TRARG1: variants seen among roughly 807,000 people sequenced by gnomAD.
TRARG1 encodes the protein trafficking regulator of GLUT4 1.
Under a neutral mutation model 13.3 loss-of-function variants are expected in TRARG1, and 16 were observed. The observed-to-expected ratio is 1.20, with a 90% confidence interval of 0.81 to 1.83. The LOEUF is 1.83. Ranked by LOEUF, TRARG1 falls within the 40% of genes most tolerant of loss-of-function variation. The pLI is 0.00. For missense variants in TRARG1, 250 were observed against 237.4 expected, an observed-to-expected ratio of 1.05 and a Z score of -0.35; for synonymous variants, 113 against 106.2, an observed-to-expected ratio of 1.06 and a Z score of -0.39.
At chr17:1,281,940 A>G (rs1359214571) in intron 1 of TRARG1, among the ~76,000 whole-genome samples, 4 of 151,954 alleles carry the variant, frequency 2.6e-5, no homozygotes, top group Admixed American at 2.6e-4. Flanking sequence ...ACATACATGT[A>G]CATATATGCA....
chr17:1,291,473 T>A (rs2072068953), intron 1 of TRARG1, among the ~76,000 whole-genome samples: 1 of 152,226 alleles, frequency 6.6e-6, no homozygotes, highest in African/African-American at 2.4e-5. Context: ...TGCCGCCATG[T>A]GGTGAAGGAC....
At chr17:1,293,305 AT>A (rs2072086210) in intron 1 of TRARG1, among the ~76,000 whole-genome samples, 1 of 147,602 alleles carries the variant, frequency 6.8e-6, no homozygotes, top group African/African-American at 2.6e-5. Flanking sequence ...AAAAAAAAAG[AT>A]AGTGGTGATG....
intron 1 of TRARG1, among the ~76,000 whole-genome samples, chr17:1,282,010 ATG>A (rs2071977524): frequency 6.7e-6 from 1 of 149,160 alleles, no homozygotes; most frequent in Admixed American, 6.7e-5. Context: ...ATATACACAT[ATG>A]TACATATACA....
chr17:1,284,073 C>CAG (rs2072003177), intron 1 of TRARG1, among the ~76,000 whole-genome samples: 7 of 151,622 alleles, frequency 4.6e-5, no homozygotes, highest in Admixed American at 3.9e-4. Flanking sequence ...TGAGATGGTG[C>CAG]CACTGCACTC....
In TRARG1 at chr17:1,280,306, G is replaced by C; in HGVS notation, c.305G>C (p.Arg102Thr). ...TATGCCCAAGACCAAGAAGCCCCCA[G>C]AGATTACCTCATCCTGGCCGTCGTC... ...TSYAQDQEAP[R>T]DYLILAVVAC... is the part of the protein sequence containing the mutation. Residue 102 changes from arginine (R) to threonine (T), a missense_variant, in exon 1 of 3, where the codon AGA becomes ACA. Coordinates refer to ENST00000333813, the MANE Select transcript of TRARG1 (RefSeq NM_172367.3). 4 of 1,614,032 alleles carry C rather than the reference G, an allele frequency of 2.5e-6. No individual in the cohort carries two copies. The highest frequency in any genetic ancestry group is 3.4e-6 in the Non-Finnish European group (4 of 1,179,976).
Position 1,298,679 on chromosome 17 carries a change from G to T in TRARG1, c.*415G>T, listed in dbSNP as rs538254309. 2 of 205,350 alleles carry T rather than the reference G, an allele frequency of 9.7e-6. No individual in the cohort carries two copies. The highest frequency in any genetic ancestry group is 5.7e-5 in the Admixed American group (1 of 17,446). The allele number at this position is 205,350 out of a possible 1,614,324, so 12.7% of individuals were successfully genotyped here. On this transcript the variant is annotated 3_prime_UTR_variant, in exon 3 of 3. Coordinates refer to ENST00000333813, the MANE Select transcript of TRARG1 (RefSeq NM_172367.3). Reference sequence around the variant, plus strand: ...AGAGCTCCTTCCTGTCTGTGGACTCGGAGCAAAGACGTGGGGCCCCATCTT... The same window carrying T: ...AGAGCTCCTTCCTGTCTGTGGACTCTGAGCAAAGACGTGGGGCCCCATCTT...
At chr17:1,289,430 C>T (rs2072054711) in intron 1 of TRARG1, among the ~76,000 whole-genome samples, 1 of 126,678 alleles carries the variant, frequency 7.9e-6, no homozygotes, top group Non-Finnish European at 1.7e-5. Flanking sequence ...GGCTCCTCAT[C>T]CCCCACGGGC....
chr17:1,280,196 C>G lies in TRARG1; in HGVS notation c.195C>G (p.Ile65Met). Residue 65 changes from isoleucine to methionine, a missense_variant, in exon 1 of 3, where the codon ATC becomes ATG. Coordinates refer to ENST00000333813, the MANE Select transcript of TRARG1 (RefSeq NM_172367.3). Reference protein sequence around the residue: ...QNSQGLPFKAISEGHLEAPLP... With the variant: ...QNSQGLPFKAMSEGHLEAPLP... ...GCCAGGGCCTACCCTTCAAGGCCATCTCCGAGGGGCACCTGGAGGCCCCAC... is the reference window on the plus strand; with the variant it reads ...GCCAGGGCCTACCCTTCAAGGCCATGTCCGAGGGGCACCTGGAGGCCCCAC... 1 of 1,614,070 alleles carries G rather than the reference C, an allele frequency of 6.2e-7. No homozygotes were observed. The highest frequency in any genetic ancestry group is 8.5e-7 in the Non-Finnish European group (1 of 1,179,970).
rs562963236 is a variant in TRARG1, at chr17:1,279,865, C to T, written c.-137C>T. On this transcript the variant is annotated 5_prime_UTR_variant, in exon 1 of 3. Transcript: ENST00000333813. ...CAGCCCAACCCTTCCAGCACCCAGC[C>T]GGCCCTCCGTCTCCTGAGGGACGCC... 9.9e-6 allele frequency: 10 copies of T among 1,009,754 alleles called. No homozygotes were observed. The highest frequency in any genetic ancestry group is 3.2e-5 in the African/African-American group (2 of 61,690). 62.5% of individuals were successfully genotyped at this position (1,009,754 alleles called of 1,614,324 possible). A position where few individuals can be genotyped will look rare whatever the true frequency, so the allele number is the denominator to read the frequency against.
rs147011086 is a variant in TRARG1, at chr17:1,282,062, G to GTAGACACATA, written c.387+1676_387+1677insGACACATATA. The stretch of plus-strand genomic sequence containing the variant: ...CACACATATGTACACATATGTACAT[G>GTAGACACATA]TATACACATATATACATATATGTAC... On this transcript the variant is annotated intron_variant, in intron 1 of 2. Coordinates refer to ENST00000333813, the MANE Select transcript of TRARG1 (RefSeq NM_172367.3). 1.9e-3 allele frequency among the ~76,000 whole-genome samples: 279 copies of GTAGACACATA among 145,462 alleles called. 5 individuals carry two copies. The East Asian group carries it at 0.044, about 23-fold the overall frequency.
At position 1,286,138 on chromosome 17, in the gene TRARG1, G is replaced by A. The variant is rs182054336; in HGVS notation, c.387+5750G>A. On this transcript the variant is annotated intron_variant, in intron 1 of 2. Transcript: ENST00000333813. Reference sequence around the variant, plus strand: ...TCCCTGGCAGCCTGAAGGAGAGGCCGTGAGGGCAGAGGCCGATGGAACTGC... The same window carrying A: ...TCCCTGGCAGCCTGAAGGAGAGGCCATGAGGGCAGAGGCCGATGGAACTGC... Among the ~76,000 whole-genome samples, 483 of 152,362 alleles carry A rather than the reference G, an allele frequency of 3.2e-3. 4 individuals are homozygous for A. The highest frequency in any genetic ancestry group is 0.011 in the African/African-American group (454 of 41,592).
rs541277694 is a variant in TRARG1, at chr17:1,285,889, G to T, written c.387+5501G>T. Among the ~76,000 whole-genome samples, 3 of 152,278 alleles carry T rather than the reference G, an allele frequency of 2.0e-5. No homozygotes were observed. In the South Asian group the frequency reaches 6.2e-4, roughly 32 times the overall value. On this transcript the variant is annotated intron_variant, in intron 1 of 2. Coordinates refer to ENST00000333813, the MANE Select transcript of TRARG1 (RefSeq NM_172367.3). ...GGAGGTGGAAGGAAATCTTGGAAAG[G>T]GGCAGAGACACCCAGGGAGGAGAGA...
intron 1 of TRARG1, among the ~76,000 whole-genome samples, chr17:1,293,608 G>A (rs12938743): frequency 4.5e-5 from 6 of 134,562 alleles, no homozygotes; most frequent in Middle Eastern, 3.4e-3. Context: ...TGATGATGTC[G>A]TGGGTTGTGT....
At chr17:1,280,728 G>C (rs1162274052) in intron 1 of TRARG1, among the ~76,000 whole-genome samples, 1 of 152,202 alleles carries the variant, frequency 6.6e-6, no homozygotes, top group East Asian at 1.9e-4. Context: ...TTTTAGGAGG[G>C]ACGGGCGGTC....
chr17:1,283,969 G>A (rs944580732), intron 1 of TRARG1, among the ~76,000 whole-genome samples: 12 of 151,948 alleles, frequency 7.9e-5, no homozygotes, highest in African/African-American at 2.9e-4. Flanking sequence ...AAAATTAGCC[G>A]GGCATGGTGG....
rs111678552 is a variant in TRARG1 at position 1,282,304 on chromosome 17, A to G, written c.387+1916A>G. Among the ~76,000 whole-genome samples, 728 of 149,782 alleles carry G rather than the reference A, an allele frequency of 4.9e-3. 8 individuals are homozygous for G. The highest frequency in any genetic ancestry group is 0.018 in the African/African-American group (690 of 39,288). On this transcript the variant is annotated intron_variant, in intron 1 of 2. Transcript: ENST00000333813. Reference sequence around the variant, plus strand: ...TATGTACATATATGTACGTATATGTACATATGCGTATATATGTACATATAT... The same window carrying G: ...TATGTACATATATGTACGTATATGTGCATATGCGTATATATGTACATATAT...
chr17:1,282,728 C>T (rs919764932), intron 1 of TRARG1, among the ~76,000 whole-genome samples: 2 of 151,908 alleles, frequency 1.3e-5, no homozygotes, highest in East Asian at 3.9e-4. Flanking sequence ...CTCGCTCTGT[C>T]GCCCAGGCTG....
chr17:1,294,452 G>A (rs995227295), intron 1 of TRARG1, among the ~76,000 whole-genome samples: 3 of 147,834 alleles, frequency 2.0e-5, no homozygotes, highest in African/African-American at 5.0e-5. Context: ...GGAAATGGAG[G>A]CTGTGAAGAC....
chr17:1,282,329 T>TGTACATATAC (rs2071989127), intron 1 of TRARG1, among the ~76,000 whole-genome samples: 1 of 133,742 alleles, frequency 7.5e-6, no homozygotes, highest in Non-Finnish European at 1.7e-5. Context: ...TGTACATATA[T>TGTACATATAC]GTACGTATAT....
Sources: gnomAD v4.1 joint callset for allele counts (sites outside exome capture counted in the v4.1 genomes callset) on GRCh38, gnomAD v4.1.1 for gene constraint, MANE v1.5 for transcripts, NCBI Gene and HGNC (gene_info 2026-07-23, HGNC 2026-07-21) for gene names.